The following NRG3 variants were observed in gnomAD, a reference collection of about 807,000 sequenced individuals.
NRG3 encodes the protein pro-neuregulin-3, membrane-bound isoform.
A neutral mutation model predicts 66.9 loss-of-function variants in NRG3; 31 were observed. The observed-to-expected ratio is 0.46, with a 90% CI of 0.35 to 0.63. NRG3 has a LOEUF of 0.63. Ranked by LOEUF, NRG3 falls within the 20% of genes least tolerant of loss-of-function variation. The probability of loss-of-function intolerance (pLI) is 0.00; values close to 1 mark genes in which losing one functional copy is unlikely to be tolerated. For synonymous variants in NRG3, 393 were observed against 359.4 expected, an observed-to-expected ratio of 1.09 and a Z score of -1.06; for missense variants, 910 against 878.9, an observed-to-expected ratio of 1.04 and a Z score of -0.45.
Position 81,875,963 on chromosome 10 carries a change from C to T in NRG3, c.623C>T (p.Ser208Phe). Residue 208 changes from serine (S) to phenylalanine (F), a missense_variant, in exon 1 of 9, where the codon TCC becomes TTC. By Grantham distance (155) the Ser-to-Phe change is radical (BLOSUM62 -2). Coordinates refer to ENST00000372141, the MANE Select transcript of NRG3 (RefSeq NM_001010848.4). The surrounding 1 kb of genome is among the most constrained non-coding windows in gnomAD (Gnocchi z 5.3). Reference protein sequence around the residue: ...APFFSSSTLGSRPPVPGTPST... With the variant: ...APFFSSSTLGFRPPVPGTPST... ...TTCTTCAGTAGCAGCACGCTGGGCT[C>T]CCGACCCCCGGTGCCAGGAACTCCA... The T allele has an allele frequency of 6.2e-7, 1 of 1,613,936 alleles. No individual in the cohort carries two copies. Among genetic ancestry groups the T allele is most frequent in the African/African-American group, 1.3e-5 (1 of 75,064 alleles).
chr10:82,943,431 G>A (rs1419248546), intron 4 of NRG3, among the ~76,000 whole-genome samples: 2 of 152,132 alleles, frequency 1.3e-5, no homozygotes, highest in East Asian at 1.9e-4. Context: ...AAAGGCCTCA[G>A]AACCAGGGAA....
chr10:82,181,881 T>C (rs2073445539), intron 1 of NRG3, among the ~76,000 whole-genome samples: 1 of 151,842 alleles, frequency 6.6e-6, no homozygotes, highest in South Asian at 2.1e-4. Flanking sequence ...TGTGTTGCTG[T>C]GTATTTCTCC....
intron 2 of NRG3, among the ~76,000 whole-genome samples, chr10:82,601,848 TA>T (rs1202584057): frequency 3.2e-4 from 45 of 139,904 alleles, no homozygotes; most frequent in African/African-American, 4.2e-4. Context: ...CCATCTCTGC[TA>T]AAAAAAAAAA....
intron 3 of NRG3, among the ~76,000 whole-genome samples, chr10:82,750,627 A>G (rs2058826419): frequency 2.6e-5 from 4 of 152,068 alleles, no homozygotes; most frequent in Admixed American, 2.6e-4. Context: ...ATCCTTATTT[A>G]TTATTTCTGA....
intron 2 of NRG3, among the ~76,000 whole-genome samples, chr10:82,365,544 A>G (rs1342527778): frequency 9.2e-5 from 14 of 152,222 alleles, no homozygotes; most frequent in Non-Finnish European, 2.9e-5. Context: ...TTGTCATGAT[A>G]GTCTTAGAAA....
chr10:82,630,355 CT>C (rs5786556), intron 2 of NRG3, among the ~76,000 whole-genome samples: 73,440 of 133,514 alleles, frequency 0.55, 19,376 homozygotes, highest in East Asian at 0.65. Context: ...ATATGGTTTT[CT>C]TTTTTTTTTT....
intron 2 of NRG3, among the ~76,000 whole-genome samples, chr10:82,472,672 G>A (rs1032404036): frequency 4.6e-5 from 7 of 152,186 alleles, no homozygotes; most frequent in Non-Finnish European, 1.0e-4. Flanking sequence ...ACTCCCATGT[G>A]TGGTAATGAG....
chr10:82,659,630 C>T lies in NRG3; in HGVS notation c.954-78947C>T, dbSNP rs1028028878. Among the ~76,000 whole-genome samples, 14 of 151,728 alleles carry T rather than the reference C, an allele frequency of 9.2e-5. No homozygotes were observed. In the East Asian group the frequency reaches 2.1e-3, roughly 23 times the overall value. ...CTGCACTTCAGCCTGGGCAACAGAG[C>T]GAGCGAGCGAGACTCCGTCTCCAGC... On this transcript the variant is annotated intron_variant, in intron 2 of 8. Coordinates refer to ENST00000372141, the MANE Select transcript of NRG3 (RefSeq NM_001010848.4).
chr10:82,654,072 T>C (rs2051651364), intron 2 of NRG3, among the ~76,000 whole-genome samples: 1 of 152,142 alleles, frequency 6.6e-6, no homozygotes, highest in Non-Finnish European at 1.5e-5. Context: ...TTTTGGGGGC[T>C]TGTGAAATGG....
chr10:82,128,857 A>G (rs2068627778), intron 1 of NRG3, among the ~76,000 whole-genome samples: 2 of 152,014 alleles, frequency 1.3e-5, no homozygotes, highest in Non-Finnish European at 2.9e-5. Flanking sequence ...AATAATAACC[A>G]TGTTGATGAT....
At chr10:82,113,006 G>T (rs1395723770) in intron 1 of NRG3, among the ~76,000 whole-genome samples, 2 of 152,096 alleles carry the variant, frequency 1.3e-5, no homozygotes, top group Non-Finnish European at 2.9e-5. Context: ...GCTGGCCTCA[G>T]TGTATTGTTT....
intron 1 of NRG3, among the ~76,000 whole-genome samples, chr10:82,300,237 T>TTAATA (rs59223115): frequency 0.47 from 70,865 of 151,656 alleles, 20,211 homozygotes; most frequent in African/African-American, 0.81. Flanking sequence ...TGAATTTGTC[T>TTAATA]TATTATAGCA....
intron 3 of NRG3, among the ~76,000 whole-genome samples, chr10:82,836,887 C>T (rs12778220): frequency 0.14 from 19,100 of 137,548 alleles, 1,246 homozygotes; most frequent in South Asian, 0.22. Context: ...TGTTATCCCT[C>T]CCCACTCCCC....
At chr10:81,956,072 G>A (rs965691481) in intron 1 of NRG3, among the ~76,000 whole-genome samples, 2 of 152,170 alleles carry the variant, frequency 1.3e-5, no homozygotes, top group Non-Finnish European at 2.9e-5. Context: ...TTTTCTTACA[G>A]TGTAACTTTG....
intron 3 of NRG3, among the ~76,000 whole-genome samples, chr10:82,780,426 A>G (rs913312365): frequency 6.6e-6 from 1 of 150,760 alleles, no homozygotes; most frequent in Non-Finnish European, 1.5e-5. Context: ...TTTGTTGACA[A>G]ATAATTCTAA....
intron 1 of NRG3, among the ~76,000 whole-genome samples, chr10:82,096,562 CACA>C (rs1341826528): frequency 1.1e-4 from 16 of 151,520 alleles, no homozygotes; most frequent in Admixed American, 7.2e-4. Flanking sequence ...CCAAAAAGAA[CACA>C]ACAAGAAAAA....
At chr10:82,895,574 T>C (rs1199507696) in intron 4 of NRG3, among the ~76,000 whole-genome samples, 1 of 146,096 alleles carries the variant, frequency 6.8e-6, no homozygotes, top group East Asian at 2.1e-4. Context: ...CACTGCAAGC[T>C]CTGCCTCCCA....
At chr10:82,662,948 G>A (rs2052479968) in intron 2 of NRG3, among the ~76,000 whole-genome samples, 1 of 152,112 alleles carries the variant, frequency 6.6e-6, no homozygotes, top group African/African-American at 2.4e-5. Flanking sequence ...ATTCCAGGTA[G>A]GAAGAAGAAA....
At chr10:82,584,344 C>T (rs1590766882) in intron 2 of NRG3, among the ~76,000 whole-genome samples, 1 of 152,132 alleles carries the variant, frequency 6.6e-6, no homozygotes, top group South Asian at 2.1e-4. Context: ...CCTCAGCCTC[C>T]CAAAGTGCTG....
Sources: gnomAD v4.1 joint callset for allele counts (sites outside exome capture counted in the v4.1 genomes callset) on GRCh38, gnomAD v4.1.1 for gene constraint, Gnocchi (gnomAD v3.1) non-coding constraint, MANE v1.5 for transcripts, NCBI Gene and HGNC (gene_info 2026-07-23, HGNC 2026-07-21) for gene names.